MTNAP1: variants seen among roughly 807,000 people sequenced by gnomAD.
The protein encoded by MTNAP1 is mitochondrial nucleoid-associated protein 1.
the MTNAP1 span, chr17:73,242,438 G>C: frequency 1.2e-6 from 1 of 842,000 alleles, no homozygotes; most frequent in Non-Finnish European, 1.8e-6. Context: ...CAAGGCTAAA[G>C]AGGAGAGGAA....
the MTNAP1 span, among the ~76,000 whole-genome samples, chr17:73,245,926 A>C: frequency 2.0e-5 from 3 of 152,050 alleles, no homozygotes; most frequent in Non-Finnish European, 4.4e-5. Flanking sequence ...TGCATTACTG[A>C]GAAATTCCTC....
chr17:73,245,251 G>A, the MTNAP1 span: 1 of 1,601,958 alleles, frequency 6.2e-7, no homozygotes, highest in East Asian at 2.2e-5. Context: ...GGAGACGACT[G>A]CAATACATAC....
chr17:73,242,230 G>A, the MTNAP1 span: 1 of 1,542,690 alleles, frequency 6.5e-7, no homozygotes, highest in Non-Finnish European at 8.9e-7. Flanking sequence ...AGTGACTTCT[G>A]TTTGGAACCA....
the MTNAP1 span, chr17:73,236,532 A>C: frequency 6.2e-7 from 1 of 1,614,210 alleles, no homozygotes; most frequent in Non-Finnish European, 8.5e-7. Flanking sequence ...AAGGGGAAAG[A>C]CCACATTTAA....
the MTNAP1 span, chr17:73,242,788 T>C: frequency 1.3e-6 from 1 of 767,898 alleles, no homozygotes; most frequent in Admixed American, 2.7e-5. Context: ...TGTAAATCTC[T>C]GAATTACAGT....
the MTNAP1 span, chr17:73,245,739 A>G: frequency 1.0e-6 from 1 of 984,826 alleles, no homozygotes; most frequent in Non-Finnish European, 1.2e-6. Context: ...AAGCCTCCGA[A>G]AAAAAGCTTA....
the MTNAP1 span, chr17:73,247,639 T>C: frequency 4.0e-6 from 1 of 247,108 alleles, no homozygotes. Context: ...CCATGAGTCC[T>C]AAAAGGATAT....
chr17:73,247,242 A>G, the MTNAP1 span: 2 of 1,614,002 alleles, frequency 1.2e-6, no homozygotes, highest in African/African-American at 1.3e-5. Flanking sequence ...CCTTTACAGA[A>G]AAATTGTGCC....
At chr17:73,242,040 C>T in the MTNAP1 span, among the ~76,000 whole-genome samples, 1 of 152,182 alleles carries the variant, frequency 6.6e-6, no homozygotes, top group East Asian at 1.9e-4. Flanking sequence ...TTTCAGGGGT[C>T]CCTTGGCCTT....
chr17:73,242,038 G>C, the MTNAP1 span, among the ~76,000 whole-genome samples: 1 of 152,174 alleles, frequency 6.6e-6, no homozygotes, highest in South Asian at 2.1e-4. Context: ...ATTTTCAGGG[G>C]TCCCTTGGCC....
chr17:73,237,109 T>G, the MTNAP1 span: 1 of 1,101,230 alleles, frequency 9.1e-7, no homozygotes, highest in Non-Finnish European at 1.3e-6. Context: ...TATTTTCACC[T>G]AGGCATGCCA....
the MTNAP1 span, chr17:73,247,109 C>T: frequency 1.3e-6 from 1 of 766,750 alleles, no homozygotes; most frequent in Non-Finnish European, 2.1e-6. Flanking sequence ...TCAAAATGTA[C>T]AAAAACAAGC....
chr17:73,236,847 T>A, the MTNAP1 span: 6 of 1,613,962 alleles, frequency 3.7e-6, no homozygotes, highest in African/African-American at 5.3e-5. Flanking sequence ...GCAGGAAGAC[T>A]CTTCGCAGCT....
the MTNAP1 span, among the ~76,000 whole-genome samples, chr17:73,235,282 T>G: frequency 6.6e-6 from 1 of 152,190 alleles, no homozygotes; most frequent in Non-Finnish European, 1.5e-5. Context: ...TCTTTACCAT[T>G]CTGTCCTTGA....
At chr17:73,245,949 GGTT>G in the MTNAP1 span, among the ~76,000 whole-genome samples, 27 of 151,962 alleles carry the variant, frequency 1.8e-4, 1 homozygote, top group Admixed American at 1.8e-3. Flanking sequence ...CATTTGTTAG[GGTT>G]GTTTTTGGCT....
the MTNAP1 span, chr17:73,232,659 TG>T: frequency 1.4e-5 from 3 of 210,840 alleles, no homozygotes; most frequent in East Asian, 2.1e-4. Context: ...GGCAGGGGCC[TG>T]GGGGGCTTCC....
the MTNAP1 span, chr17:73,242,329 G>A: frequency 1.9e-6 from 3 of 1,595,028 alleles, no homozygotes; most frequent in Non-Finnish European, 2.6e-6. Context: ...CTCTAATGAG[G>A]CTCTTGGGAG....
the MTNAP1 span, chr17:73,242,263 C>G: frequency 1.3e-6 from 2 of 1,594,006 alleles, no homozygotes; most frequent in South Asian, 2.3e-5. Context: ...TGGAACGAAG[C>G]TCAACTCATA....
At chr17:73,242,446 G>GA in the MTNAP1 span, 1 of 770,202 alleles carries the variant, frequency 1.3e-6, no homozygotes, top group Non-Finnish European at 2.1e-6. Flanking sequence ...AAGAGGAGAG[G>GA]AAAAAAATGT....
Sources: allele counts gnomAD v4.1 joint callset (sites outside exome capture counted in the v4.1 genomes callset), GRCh38; gene constraint gnomAD v4.1.1; transcripts MANE v1.5; gene names NCBI Gene and HGNC (gene_info 2026-07-23, HGNC 2026-07-21).